C16orf46: variants seen among roughly 807,000 people sequenced by gnomAD.
The protein encoded by C16orf46 is chromosome 16 open reading frame 46.
In C16orf46, 7 loss-of-function variants were observed where a neutral mutation model predicts 5.5. The observed-to-expected ratio is 1.28, with a 90% CI of 0.73 to 2.40. The LOEUF (loss-of-function observed/expected upper bound fraction) is 2.40. C16orf46 is among the 30% of genes most tolerant of loss of function. The probability of loss-of-function intolerance (pLI) is 0.00; values close to 1 mark genes in which losing one functional copy is unlikely to be tolerated. For synonymous variants in C16orf46, 200 were observed against 184.1 expected, an observed-to-expected ratio of 1.09 and a Z score of -0.70; for missense variants, 614 against 476.0, an observed-to-expected ratio of 1.29 and a Z score of -2.70.
In C16orf46 at chr16:81,054,750, G is replaced by A. The variant is rs576325946; in HGVS notation, c.1144-656C>T. On this transcript the variant is annotated intron_variant, in intron 3 of 3. Transcript: ENST00000378611. Reference sequence around the variant, plus strand: ...TGCAAACTCCACCTCCAGGGTTCAAGACCTTCTTATGCCTCCGCCGCCTGA... The same window carrying A: ...TGCAAACTCCACCTCCAGGGTTCAAAACCTTCTTATGCCTCCGCCGCCTGA... Among the ~76,000 whole-genome samples, 601 of 152,230 alleles carry A rather than the reference G, an allele frequency of 3.9e-3. 2 individuals carry two copies. Among genetic ancestry groups the A allele is most frequent in the Non-Finnish European group, 6.5e-3 (445 of 68,016 alleles).
At chr16:81,064,545 C>T (rs577986679) in intron 2 of C16orf46, among the ~76,000 whole-genome samples, 19 of 151,846 alleles carry the variant, frequency 1.3e-4, no homozygotes, top group African/African-American at 4.1e-4. Context: ...GTCAGGAGTT[C>T]GAGGACAGCC....
At chr16:81,075,391 AC>A (rs1386529614) in intron 1 of C16orf46, among the ~76,000 whole-genome samples, 1 of 152,148 alleles carries the variant, frequency 6.6e-6, no homozygotes, top group Non-Finnish European at 1.5e-5. Context: ...GGAGTTCAAG[AC>A]CAGGCTGGCC....
chr16:81,076,531 C>G (rs943939301), intron 1 of C16orf46: 1 of 152,250 alleles, frequency 6.6e-6, no homozygotes. Context: ...CAAACTCTTC[C>G]CCTTTTTCAA....
chr16:81,073,339 T>A (rs804904), intron 1 of C16orf46, among the ~76,000 whole-genome samples: 1 of 151,552 alleles, frequency 6.6e-6, no homozygotes, highest in Non-Finnish European at 1.5e-5. Flanking sequence ...ACAACTCTGA[T>A]TAGAGGCAGA....
Position 81,063,829 on chromosome 16 carries a change from A to G in C16orf46, c.127T>C (p.Cys43Arg), listed in dbSNP as rs1971566027. ...GTAATGTCACTGACATCGAGAAGAC[A>G]ATAAACATGATTTTTTTCACTTTTT... is the stretch of plus-strand genomic sequence containing the variant. ...DGKSEKNHVYCLLDVSDITLE... is the reference protein window; with the variant it reads ...DGKSEKNHVYRLLDVSDITLE... Residue 43 changes from cysteine to arginine, a missense_variant, in exon 3 of 4, where the codon TGT becomes CGT. Coordinates refer to ENST00000299578, the MANE Select transcript of C16orf46 (RefSeq NM_152337.3). 1.2e-6 allele frequency: 2 copies of G among 1,613,978 alleles called. No homozygotes were observed. Among genetic ancestry groups the G allele is most frequent in the Admixed American group, 1.7e-5 (1 of 59,994 alleles).
chr16:81,075,653 G>A (rs1972012677), intron 1 of C16orf46, among the ~76,000 whole-genome samples: 1 of 152,168 alleles, frequency 6.6e-6, no homozygotes, highest in African/African-American at 2.4e-5. Flanking sequence ...GTGTTGTATT[G>A]AGAAGGATCT....
intron 1 of C16orf46, among the ~76,000 whole-genome samples, chr16:81,072,827 G>C (rs929463550): frequency 4.0e-5 from 6 of 151,876 alleles, no homozygotes; most frequent in Admixed American, 3.3e-4. Flanking sequence ...TCAGTCTCCT[G>C]AGTAGCTGGG....
At chr16:81,075,840 G>C (rs1055139917) in intron 1 of C16orf46, among the ~76,000 whole-genome samples, 2 of 152,108 alleles carry the variant, frequency 1.3e-5, no homozygotes, top group Non-Finnish European at 2.9e-5. Context: ...GAATGTTGAA[G>C]GACCAGGAGA....
At chr16:81,068,241 G>A (rs1016933053) in intron 1 of C16orf46, among the ~76,000 whole-genome samples, 5 of 152,166 alleles carry the variant, frequency 3.3e-5, no homozygotes, top group African/African-American at 4.8e-5. Flanking sequence ...CTCCTGAAAT[G>A]AACAAAGACA....
intron 2 of C16orf46, among the ~76,000 whole-genome samples, chr16:81,064,960 G>A (rs1240811873): frequency 1.3e-5 from 2 of 152,044 alleles, no homozygotes; most frequent in East Asian, 3.9e-4. Context: ...TTGTCATGAC[G>A]CCCCTAGCAA....
chr16:81,056,695 CAAAAAA>C (rs10539282), downstream of C16orf46, among the ~76,000 whole-genome samples: 6 of 85,592 alleles, frequency 7.0e-5, no homozygotes, highest in Admixed American at 1.2e-4. Context: ...GACTCCGTCT[CAAAAAA>C]AAAAAAAAAA....
At chr16:81,071,835 G>T (rs1597151873) in intron 1 of C16orf46, among the ~76,000 whole-genome samples, 1 of 152,218 alleles carries the variant, frequency 6.6e-6, no homozygotes, top group African/African-American at 2.4e-5. Context: ...GCAGGAAGGT[G>T]AGGAACGTTC....
At chr16:81,072,479 G>C (rs1191796309) in intron 1 of C16orf46, among the ~76,000 whole-genome samples, 1 of 151,302 alleles carries the variant, frequency 6.6e-6, no homozygotes, top group African/African-American at 2.4e-5. Flanking sequence ...TCTGCCTCTG[G>C]GTTCAAGTGA....
At chr16:81,064,642 G>A (rs1035482804) in intron 2 of C16orf46, among the ~76,000 whole-genome samples, 1 of 152,108 alleles carries the variant, frequency 6.6e-6, no homozygotes. Flanking sequence ...AGCTACTTGG[G>A]AGGCTGAGGC....
chr16:81,075,105 C>T (rs992774608), intron 1 of C16orf46, among the ~76,000 whole-genome samples: 1 of 152,148 alleles, frequency 6.6e-6, no homozygotes, highest in Non-Finnish European at 1.5e-5. Context: ...ATTCAACTAG[C>T]TGCAAATTCA....
chr16:81,065,668 G>A (rs1971631443), intron 2 of C16orf46, among the ~76,000 whole-genome samples: 1 of 151,976 alleles, frequency 6.6e-6, no homozygotes, highest in Admixed American at 6.6e-5. Context: ...AGGCACAGGG[G>A]ACACCCACTC....
At chr16:81,069,364 C>T (rs1455192919) in intron 1 of C16orf46, among the ~76,000 whole-genome samples, 1 of 152,196 alleles carries the variant, frequency 6.6e-6, no homozygotes, top group South Asian at 2.1e-4. Context: ...GGACTCTGTT[C>T]CACATTGTCC....
At chr16:81,070,055 G>A (rs1971795042) in intron 1 of C16orf46, 1 of 152,038 alleles carries the variant, frequency 6.6e-6, no homozygotes, top group Admixed American at 6.6e-5. Flanking sequence ...AACCCAAGAG[G>A]CGGAGCTTGC....
chr16:81,054,340 T>C (rs773301971), intron 3 of C16orf46, among the ~76,000 whole-genome samples: 11 of 151,572 alleles, frequency 7.3e-5, no homozygotes, highest in Non-Finnish European at 1.5e-4. Flanking sequence ...CCCACCGAAA[T>C]TAAGATTTTA....
Sources: allele counts gnomAD v4.1 joint callset (sites outside exome capture counted in the v4.1 genomes callset), GRCh38; gene constraint gnomAD v4.1.1; transcripts MANE v1.5; gene names NCBI Gene and HGNC (gene_info 2026-07-23, HGNC 2026-07-21).